Variants in MACROD2 observed in about 807,000 individuals in gnomAD.
MACROD2 encodes ADP-ribose glycohydrolase MACROD2.
MACROD2 carries 36 observed loss-of-function variants against 70.4 expected under a neutral mutation model. That is an observed-to-expected ratio of 0.51 (90% CI 0.39 to 0.68). MACROD2 has a LOEUF of 0.68. Among genes scored for constraint, MACROD2 ranks in the 30% least tolerant of loss-of-function variants. The pLI, the probability that MACROD2 is intolerant of heterozygous loss-of-function variation, is 0.00. For missense variants in MACROD2, 496 were observed against 538.4 expected (o/e 0.92, Z 0.78); for synonymous variants, 172 against 178.8 (o/e 0.96, Z 0.30).
At chr20:15,024,691 A>G (rs16995213) in intron 5 of MACROD2, among the ~76,000 whole-genome samples, 5,274 of 152,258 alleles carry the variant, frequency 0.035, 113 homozygotes, top group Middle Eastern at 0.061. Context: ...TAACTTCTTT[A>G]TAATTCTATA....
At chr20:15,117,122 C>A (rs182379136) in intron 5 of MACROD2, among the ~76,000 whole-genome samples, 1 of 152,218 alleles carries the variant, frequency 6.6e-6, no homozygotes, top group African/African-American at 2.4e-5. Context: ...ACATTCAACA[C>A]TGTTAAAGTT....
intron 6 of MACROD2, among the ~76,000 whole-genome samples, chr20:15,425,173 T>C (rs1370630100): frequency 2.0e-5 from 3 of 152,230 alleles, no homozygotes; most frequent in Non-Finnish European, 4.4e-5. Context: ...AAAACTCCTA[T>C]CTATGACTCT....
chr20:15,937,691 T>C, intron 12 of MACROD2, 147 bp downstream of exon 12: 2 of 584,934 alleles, frequency 3.4e-6, no homozygotes, highest in African/African-American at 3.7e-5. Flanking sequence ...CTACACCACC[T>C]ACTCTCTTTT....
chr20:15,120,614 C>G (rs1407399402), intron 5 of MACROD2, among the ~76,000 whole-genome samples: 3 of 152,276 alleles, frequency 2.0e-5, no homozygotes, highest in African/African-American at 7.2e-5. Context: ...GTTCTATACA[C>G]AGACAGTATA....
chr20:14,564,326 C>T (rs878858487), intron 4 of MACROD2, among the ~76,000 whole-genome samples: 1 of 151,780 alleles, frequency 6.6e-6, no homozygotes, highest in Non-Finnish European at 1.5e-5. Flanking sequence ...AGAAAAACAA[C>T]AAAAACGAAA....
chr20:15,118,224 C>T (rs2076005701), intron 5 of MACROD2, among the ~76,000 whole-genome samples: 1 of 140,028 alleles, frequency 7.1e-6, no homozygotes, highest in Admixed American at 7.4e-5. Context: ...GCCAGGGTCT[C>T]GCCCTGTTAC....
chr20:14,053,714 C>T (rs1034912574), intron 2 of MACROD2: 3 of 152,002 alleles, frequency 2.0e-5, no homozygotes, highest in Non-Finnish European at 2.9e-5. Context: ...ATATTGTGGT[C>T]AATTTTCTCA....
chr20:14,283,860 C>A (rs1488252357), intron 3 of MACROD2, among the ~76,000 whole-genome samples: 2 of 152,074 alleles, frequency 1.3e-5, no homozygotes, highest in Non-Finnish European at 2.9e-5. Context: ...TTCCTGTATC[C>A]CAAACTTAAA....
At chr20:15,382,649 G>C (rs928997202) in intron 6 of MACROD2, among the ~76,000 whole-genome samples, 63 of 152,262 alleles carry the variant, frequency 4.1e-4, no homozygotes, top group African/African-American at 1.5e-3. Context: ...AAAGGAGAAA[G>C]AATGAGAAAA....
chr20:15,378,897 G>T (rs73267079), intron 6 of MACROD2, among the ~76,000 whole-genome samples: 1 of 152,108 alleles, frequency 6.6e-6, no homozygotes, highest in South Asian at 2.1e-4. Flanking sequence ...TCATAAAACT[G>T]CAAAGATGAC....
At chr20:15,198,841 A>G (rs190930028) in intron 5 of MACROD2, among the ~76,000 whole-genome samples, 51 of 152,316 alleles carry the variant, frequency 3.3e-4, no homozygotes, top group African/African-American at 1.2e-3. Flanking sequence ...AAGGCTCTTG[A>G]CATGTGACTC....
chr20:14,081,691 G>A (rs2053996868), intron 2 of MACROD2, among the ~76,000 whole-genome samples: 1 of 152,128 alleles, frequency 6.6e-6, no homozygotes, highest in Non-Finnish European at 1.5e-5. Context: ...TAAAAGAGGT[G>A]GCCTCTAAGT....
chr20:14,953,431 C>T (rs185770297), intron 5 of MACROD2, among the ~76,000 whole-genome samples: 6 of 152,130 alleles, frequency 3.9e-5, no homozygotes, highest in East Asian at 3.9e-4. Context: ...CTCAGCCTAC[C>T]GAGTAGCTGG....
intron 5 of MACROD2, among the ~76,000 whole-genome samples, chr20:14,747,450 C>G (rs916830585): frequency 9.9e-5 from 15 of 152,278 alleles, no homozygotes; most frequent in African/African-American, 3.1e-4. Context: ...AACTAGGTGA[C>G]TGGGTGAGTG....
chr20:15,642,284 T>C (rs570432371), intron 8 of MACROD2, among the ~76,000 whole-genome samples: 173 of 152,270 alleles, frequency 1.1e-3, no homozygotes, highest in African/African-American at 4.1e-3. Context: ...GATAGTATCG[T>C]AGAAAAACAA....
chr20:14,612,597 G>T (rs1983235869), intron 4 of MACROD2, among the ~76,000 whole-genome samples: 1 of 151,962 alleles, frequency 6.6e-6, no homozygotes, highest in Middle Eastern at 3.2e-3. Flanking sequence ...CATTTCAGTT[G>T]CTCAACTGCA....
chr20:15,261,155 G>A (rs951064473), intron 6 of MACROD2, among the ~76,000 whole-genome samples: 4 of 151,824 alleles, frequency 2.6e-5, no homozygotes, highest in Admixed American at 2.6e-4. Context: ...TTTATACACA[G>A]CATTTATTTT....
rs75916958 is a variant in MACROD2, at chr20:14,608,581, A to G, written c.302-76262A>G. ...TTATTCATTTAACTGATACTTATTG[A>G]TTACTGAGGATGTGCCAGGACTGTA... On this transcript the variant is annotated intron_variant, in intron 4 of 17. Coordinates refer to ENST00000684519, the MANE Select transcript of MACROD2 (RefSeq NM_001351661.2). 7.7e-3 allele frequency among the ~76,000 whole-genome samples: 1,179 copies of G among 152,246 alleles called. 18 individuals carry two copies. Among genetic ancestry groups the G allele is most frequent in the Middle Eastern group, 0.041 (12 of 294 alleles).
intron 6 of MACROD2, among the ~76,000 whole-genome samples, chr20:15,246,120 C>A (rs138096981): frequency 6.6e-6 from 1 of 152,150 alleles, no homozygotes; most frequent in African/African-American, 2.4e-5. Flanking sequence ...GCTAATAAAT[C>A]GTCTTATCTC....
Sources: allele counts gnomAD v4.1 joint callset (sites outside exome capture counted in the v4.1 genomes callset), GRCh38; gene constraint gnomAD v4.1.1; transcripts MANE v1.5; gene names NCBI Gene and HGNC (gene_info 2026-07-23, HGNC 2026-07-21).